SKIC3: variants seen among roughly 807,000 people sequenced by gnomAD.
SKIC3 encodes the protein SKI3 subunit of superkiller complex.
chr5:95,513,202 T>C, the SKIC3 span: 1 of 221,150 alleles, frequency 4.5e-6, no homozygotes, highest in South Asian at 8.1e-5. Context: ...CCACTATCTA[T>C]TCATTTTCTT....
chr5:95,541,253 A>C, the SKIC3 span: 3 of 1,563,806 alleles, frequency 1.9e-6, no homozygotes, highest in Non-Finnish European at 1.8e-6. Flanking sequence ...GGTGTGAGTC[A>C]CCGCGCCCAG....
At chr5:95,497,199 T>C in the SKIC3 span, among the ~76,000 whole-genome samples, 2 of 152,212 alleles carry the variant, frequency 1.3e-5, no homozygotes, top group Non-Finnish European at 2.9e-5. Context: ...TTTGTACGTC[T>C]TTGTAGCTCC....
the SKIC3 span, among the ~76,000 whole-genome samples, chr5:95,493,495 C>G: frequency 6.6e-6 from 1 of 151,860 alleles, no homozygotes; most frequent in Non-Finnish European, 1.5e-5. Context: ...TTGAGAACTC[C>G]AAAAATAAAA....
At chr5:95,489,157 A>T in the SKIC3 span, among the ~76,000 whole-genome samples, 1 of 152,080 alleles carries the variant, frequency 6.6e-6, no homozygotes, top group South Asian at 2.1e-4. Context: ...TTTCTAAAAT[A>T]AAAAAATTAG....
chr5:95,554,411 A>G, the SKIC3 span, among the ~76,000 whole-genome samples: 2 of 152,172 alleles, frequency 1.3e-5, no homozygotes, highest in African/African-American at 4.8e-5. Context: ...TCAACAGTCA[A>G]AAGAGACCGG....
chr5:95,523,080 T>C, the SKIC3 span: 3 of 1,337,110 alleles, frequency 2.2e-6, no homozygotes, highest in South Asian at 3.7e-5. Flanking sequence ...CACCAATCAA[T>C]CATAAAGTAA....
chr5:95,497,451 G>C, the SKIC3 span: 1 of 1,613,550 alleles, frequency 6.2e-7, no homozygotes, highest in Non-Finnish European at 8.5e-7. Context: ...GCAACAACTC[G>C]AGACAACAGA....
At chr5:95,484,695 T>G in the SKIC3 span, 1 of 1,613,832 alleles carries the variant, frequency 6.2e-7, no homozygotes. Context: ...TAAGAATCCA[T>G]GAGTTTCAAT....
At chr5:95,524,500 T>C in the SKIC3 span, 1 of 1,613,656 alleles carries the variant, frequency 6.2e-7, no homozygotes, top group South Asian at 1.1e-5. Context: ...GTTTTATCTT[T>C]TCTTGTCTCT....
At chr5:95,513,728 C>T in the SKIC3 span, 30,643 of 1,329,398 alleles carry the variant, frequency 0.023, 432 homozygotes, top group Middle Eastern at 0.027. Context: ...CTAGAAGAAC[C>T]AAAGGTTTAC....
the SKIC3 span, among the ~76,000 whole-genome samples, chr5:95,507,586 T>C: frequency 6.6e-6 from 1 of 152,214 alleles, no homozygotes; most frequent in Non-Finnish European, 1.5e-5. Context: ...AAGAGTTGGA[T>C]ATTTAACAAG....
At chr5:95,473,196 A>C in the SKIC3 span, among the ~76,000 whole-genome samples, 1 of 152,294 alleles carries the variant, frequency 6.6e-6, no homozygotes, top group African/African-American at 2.4e-5. Context: ...CAGTGGCTGA[A>C]CTAATTTACA....
chr5:95,532,685 T>A, the SKIC3 span, among the ~76,000 whole-genome samples: 1 of 152,154 alleles, frequency 6.6e-6, no homozygotes, highest in African/African-American at 2.4e-5. Flanking sequence ...CTTTTTAACA[T>A]TTAAAGGATT....
the SKIC3 span, chr5:95,516,371 G>A: frequency 6.2e-7 from 1 of 1,613,070 alleles, no homozygotes; most frequent in South Asian, 1.1e-5. Flanking sequence ...TTTCATTTGT[G>A]AGGTATAACA....
At chr5:95,467,841 A>G in the SKIC3 span, 1 of 1,613,156 alleles carries the variant, frequency 6.2e-7, no homozygotes, top group South Asian at 1.1e-5. Flanking sequence ...TGCCTCAAAC[A>G]TTTTAAATAA....
At chr5:95,522,464 G>T in the SKIC3 span, among the ~76,000 whole-genome samples, 1 of 151,970 alleles carries the variant, frequency 6.6e-6, no homozygotes, top group Admixed American at 6.6e-5. Context: ...TTCCTTTTAT[G>T]ATTTTTTTAA....
the SKIC3 span, among the ~76,000 whole-genome samples, chr5:95,491,621 G>A: frequency 6.6e-6 from 1 of 152,122 alleles, no homozygotes; most frequent in African/African-American, 2.4e-5. Flanking sequence ...AGGGTAGGGA[G>A]AAGGAGAAAA....
At chr5:95,494,971 TGATTTGAGTCCA>T in the SKIC3 span, 6 of 1,613,784 alleles carry the variant, frequency 3.7e-6, no homozygotes, top group South Asian at 6.6e-5. Flanking sequence ...AACCTTTCCA[TGATTTGAGTCCA>T]GAATATGAGC....
At chr5:95,509,526 TCA>T in the SKIC3 span, 1 of 1,209,640 alleles carries the variant, frequency 8.3e-7, no homozygotes, top group Non-Finnish European at 1.2e-6. Context: ...CACAGGCCAG[TCA>T]GAGATTCTCC....
Sources: allele counts gnomAD v4.1 joint callset (sites outside exome capture counted in the v4.1 genomes callset), GRCh38; gene constraint gnomAD v4.1.1; transcripts MANE v1.5; gene names NCBI Gene and HGNC (gene_info 2026-07-23, HGNC 2026-07-21).